The following SYNE4 variants were observed in gnomAD, a reference collection of about 807,000 sequenced individuals.
SYNE4 encodes the protein nesprin-4.
SYNE4 carries 41 observed loss-of-function variants against 46.9 expected under a neutral mutation model. The observed-to-expected ratio is 0.87, with a 90% confidence interval of 0.68 to 1.13. SYNE4 has a LOEUF of 1.13. SYNE4 is among the 50% of genes most tolerant of loss of function. The pLI, the probability that SYNE4 is intolerant of heterozygous loss-of-function variation, is 0.00. For synonymous variants in SYNE4, 221 were observed against 219.5 expected, an observed-to-expected ratio of 1.01 and a Z score of -0.06; for missense variants, 492 against 514.8, an observed-to-expected ratio of 0.96 and a Z score of 0.43.
At chr19:36,008,135 C>T (rs1186781898) in intron 2 of SYNE4, 82 bp downstream of exon 2, 33 of 1,472,876 alleles carry the variant, frequency 2.2e-5, no homozygotes, top group African/African-American at 4.3e-5. Context: ...AATCATCACC[C>T]GGTCCTCAGT....
chr19:36,006,135 C>G, intron 5 of SYNE4: 3 of 388,778 alleles, frequency 7.7e-6, no homozygotes, highest in Non-Finnish European at 1.4e-5. Context: ...TCACGACAGG[C>G]CTCCCTGAAG....
At position 36,008,372 on chromosome 19, in the gene SYNE4, G is replaced by A. The variant is rs374680616; in HGVS notation, c.129-5C>T. On this transcript the variant is annotated splice_polypyrimidine_tract_variant and splice_region_variant and intron_variant, in intron 1 of 7. Transcript: ENST00000324444. ...AGGGTCTGGGCCTGCTCTGGGCTAGGAGGCAGGGGGCGGTGACTGGGTGAG... is the reference window on the plus strand; with the variant it reads ...AGGGTCTGGGCCTGCTCTGGGCTAGAAGGCAGGGGGCGGTGACTGGGTGAG... 6.4e-7 allele frequency: 1 copy of A among 1,558,094 alleles called. No individual in the cohort carries two copies. The highest frequency in any genetic ancestry group is 8.7e-7 in the Non-Finnish European group (1 of 1,149,768).
At position 36,008,361 on chromosome 19, in the gene SYNE4, C is replaced by A; in HGVS notation, c.135G>T (p.Glu45Asp). The part of the protein sequence containing the change: ...PASGEESTSP[E>D]QAQTLGQDSL... ...AGTCCTGTCCCAGGGTCTGGGCCTG[C>A]TCTGGGCTAGGAGGCAGGGGGCGGT... Residue 45 changes from glutamate (E) to aspartate (D), a missense_variant, in exon 2 of 8, where the codon GAG (glutamate) becomes GAT (aspartate). Physicochemically the swap from Glu to Asp is conservative, Grantham distance 45. Transcript: ENST00000324444. 1 of 1,559,006 alleles carries A rather than the reference C, an allele frequency of 6.4e-7. No individual in the cohort carries two copies. Among genetic ancestry groups the A allele is most frequent in the Non-Finnish European group, 8.7e-7 (1 of 1,150,126 alleles).
At chr19:36,005,474 G>A (rs1976817639) in intron 5 of SYNE4, 37 bp from the exon 6 acceptor site, 1 of 1,599,130 alleles carries the variant, frequency 6.3e-7, no homozygotes, top group East Asian at 2.2e-5. Flanking sequence ...GTGGTTGGGG[G>A]AGGGCCAGGA....
rs1321303808 is a variant in SYNE4, at chr19:36,007,273, G to A, written c.280-5C>T. ...CTCCAGGCCAGAAATGGGGTGCTGGGGAACACAGGAGCCAGGTCAGGGCCA... is the reference window on the plus strand; with the variant it reads ...CTCCAGGCCAGAAATGGGGTGCTGGAGAACACAGGAGCCAGGTCAGGGCCA... On this transcript the variant is annotated splice_polypyrimidine_tract_variant and splice_region_variant and intron_variant, in intron 2 of 7. Transcript: ENST00000324444. 2 of 1,594,972 alleles carry A rather than the reference G, an allele frequency of 1.3e-6. No individual in the cohort carries two copies. Among genetic ancestry groups the A allele is most frequent in the Non-Finnish European group, 1.7e-6 (2 of 1,170,274 alleles).
rs1052545001 is a variant in SYNE4 at position 36,003,460 on chromosome 19, G to A, written c.1092C>T (p.Phe364=). The A allele has an allele frequency of 6.2e-7, 1 of 1,610,958 alleles. No individual in the cohort carries two copies. Among genetic ancestry groups the A allele is most frequent in the Admixed American group, 1.7e-5 (1 of 59,288 alleles). ...GAAACATGGCACCCACCAGGAGGAG[G>A]AAGAGGAGGAAGAGGATAAGGAGGA... ...LTFLLILFLL[F]LLLVGAMFLL... The change falls in exon 8 of 8, where the codon TTC becomes TTT. Residue 364 remains phenylalanine (F), a synonymous_variant. Coordinates refer to ENST00000324444, the MANE Select transcript of SYNE4 (RefSeq NM_001039876.3).
At chr19:36,007,044 T>G in intron 3 of SYNE4, 81 bp downstream of exon 3, 1 of 1,551,886 alleles carries the variant, frequency 6.4e-7, no homozygotes, top group African/African-American at 1.4e-5. Context: ...GAACATGCAC[T>G]CAACCCATTT....
rs754645368 is a variant in SYNE4, at chr19:36,006,666, G to A, written c.624C>T (p.Phe208=). 8.1e-6 allele frequency: 13 copies of A among 1,597,836 alleles called. No individual in the cohort carries two copies. In the East Asian group the frequency reaches 2.0e-4, roughly 25 times the overall value. The change falls in exon 5 of 8, where the codon TTC becomes TTT. Residue 208 remains phenylalanine, a synonymous_variant. Transcript: ENST00000324444. ...QAQLVSYSLV[F]EEANTLDQDL... ...CCTGGTCCAGCGTGTTGGCCTCCTC[G>A]AACACCTGGGTCAAAGGACAGAGGT...
intron 5 of SYNE4, 171 bp from the exon 6 acceptor site, chr19:36,005,608 G>A: frequency 1.6e-6 from 1 of 628,366 alleles, no homozygotes; most frequent in Non-Finnish European, 2.7e-6. Flanking sequence ...AATGTGTAAT[G>A]AGTTTCTGTT....
chr19:36,008,375 G>A lies in SYNE4; in HGVS notation c.129-8C>T. On this transcript the variant is annotated splice_polypyrimidine_tract_variant and splice_region_variant and intron_variant, in intron 1 of 7. Coordinates refer to ENST00000324444, the MANE Select transcript of SYNE4 (RefSeq NM_001039876.3). Reference sequence around the variant, plus strand: ...GTCTGGGCCTGCTCTGGGCTAGGAGGCAGGGGGCGGTGACTGGGTGAGTCT... The same window carrying A: ...GTCTGGGCCTGCTCTGGGCTAGGAGACAGGGGGCGGTGACTGGGTGAGTCT... 6.4e-7 allele frequency: 1 copy of A among 1,557,268 alleles called. No individual in the cohort carries two copies. Among genetic ancestry groups the A allele is most frequent in the Non-Finnish European group, 8.7e-7 (1 of 1,149,448 alleles).
chr19:36,007,751 C>T (rs1042270035), intron 2 of SYNE4, among the ~76,000 whole-genome samples: 2 of 151,516 alleles, frequency 1.3e-5, no homozygotes, highest in Admixed American at 6.6e-5. Context: ...TGGCTGGACA[C>T]GGTGACGCAC....
intron 2 of SYNE4, among the ~76,000 whole-genome samples, chr19:36,007,850 C>A (rs1378987790): frequency 1.3e-5 from 2 of 151,878 alleles, no homozygotes; most frequent in Non-Finnish European, 2.9e-5. Context: ...AAGTCGAAAA[C>A]CCATCTCTAC....
chr19:36,005,223 C>G, intron 6 of SYNE4, 110 bp downstream of exon 6: 2 of 921,682 alleles, frequency 2.2e-6, no homozygotes, highest in Non-Finnish European at 3.2e-6. Flanking sequence ...CTTTCCATTA[C>G]TTTTTTTTTT....
intron 5 of SYNE4, chr19:36,006,204 G>C: frequency 1.7e-6 from 1 of 581,490 alleles, no homozygotes; most frequent in Non-Finnish European, 2.7e-6. Flanking sequence ...TCATCTGGGG[G>C]CCTCAGGATA....
intron 2 of SYNE4, 23 bp from the exon 3 acceptor site, chr19:36,007,291 C>A: frequency 1.3e-6 from 2 of 1,583,692 alleles, no homozygotes; most frequent in Admixed American, 1.8e-5. Flanking sequence ...GGAGCCAGGT[C>A]AGGGCCAGTG....
rs1203044089 is a variant in SYNE4 at position 36,006,981 on chromosome 19, G to A, written c.424-37C>T. On this transcript the variant is annotated intron_variant, in intron 3 of 7. Transcript: ENST00000324444. ...TGGACATCACCCCACGCACACACCA[G>A]GGACCCAAAACCTGGAGTTACCCCC... 5.2e-6 allele frequency: 8 copies of A among 1,533,090 alleles called. No individual in the cohort carries two copies. In the Admixed American group the frequency reaches 1.6e-4, roughly 31 times the overall value. The allele number at this position is 1,533,090 out of a possible 1,614,324, so 95.0% of individuals were successfully genotyped here.
chr19:36,004,054 G>A (rs960709025), intron 6 of SYNE4, among the ~76,000 whole-genome samples: 1 of 152,088 alleles, frequency 6.6e-6, no homozygotes, highest in African/African-American at 2.4e-5. Flanking sequence ...AGTCACCCAG[G>A]CTGGAGTGCA....
Position 36,008,541 on chromosome 19 carries a change from C to T in SYNE4, c.128+13G>A, listed in dbSNP as rs371943624. 3 of 1,613,222 alleles carry T rather than the reference C, an allele frequency of 1.9e-6. No individual in the cohort carries two copies. In the African/African-American group the frequency reaches 4.0e-5, roughly 22 times the overall value. ...CCCTTTTGGGAACAAGCTTCCAAAGCCCCGGCCCCCACCTCGTGCTCTCCT... is the reference window on the plus strand; with the variant it reads ...CCCTTTTGGGAACAAGCTTCCAAAGTCCCGGCCCCCACCTCGTGCTCTCCT... On this transcript the variant is annotated intron_variant, in intron 1 of 7. Coordinates refer to ENST00000324444, the MANE Select transcript of SYNE4 (RefSeq NM_001039876.3).
rs753123933 is a variant in SYNE4 at position 36,003,453 on chromosome 19, GGAGGAGGAA to G, written c.1090_1098del (p.Phe364_Leu366del). The G allele has an allele frequency of 1.0e-4, 164 of 1,613,016 alleles. No individual in the cohort carries two copies. The highest frequency in any genetic ancestry group is 4.1e-4 in the South Asian group (37 of 90,898). On this transcript the variant is annotated inframe_deletion, in exon 8 of 8. Transcript: ENST00000324444. Reference sequence around the variant, plus strand: ...GGCAGGAGAAACATGGCACCCACCAGGAGGAGGAAGAGGAGGAAGAGGATAAGGAGGAAG... The same window carrying G: ...GGCAGGAGAAACATGGCACCCACCAGGAGGAGGAAGAGGATAAGGAGGAAG...
Sources: allele counts gnomAD v4.1 joint callset (sites outside exome capture counted in the v4.1 genomes callset), GRCh38; gene constraint gnomAD v4.1.1; transcripts MANE v1.5; gene names NCBI Gene and HGNC (gene_info 2026-07-23, HGNC 2026-07-21).